Variants in N4BP1 observed in about 807,000 individuals in gnomAD.
N4BP1 encodes NEDD4-binding protein 1.
Under a neutral mutation model 70.9 loss-of-function variants are expected in N4BP1, and 21 were observed. That is an observed-to-expected ratio of 0.30 (90% CI 0.21 to 0.43). The LOEUF (loss-of-function observed/expected upper bound fraction) is 0.43, where lower values mean the gene tolerates loss of function less well. Ranked by LOEUF, N4BP1 falls within the 20% of genes least tolerant of loss-of-function variation. The probability of loss-of-function intolerance (pLI) is 1.00; values close to 1 mark genes in which losing one functional copy is unlikely to be tolerated. For missense variants in N4BP1, 936 were observed against 1,069.4 expected (o/e 0.88, Z 1.74); for synonymous variants, 387 against 394.6 (o/e 0.98, Z 0.23).
At chr16:48,547,381 G>C (rs978522154) in intron 5 of N4BP1, among the ~76,000 whole-genome samples, 1 of 152,180 alleles carries the variant, frequency 6.6e-6, no homozygotes, top group Non-Finnish European at 1.5e-5. Flanking sequence ...TGATCTTAGG[G>C]CATTTTTCAG....
At chr16:48,600,397 T>A (rs1295932552) in intron 1 of N4BP1, 2 of 704,342 alleles carry the variant, frequency 2.8e-6, no homozygotes, top group African/African-American at 3.5e-5. Flanking sequence ...AATGAAACCA[T>A]CAAATACCAG....
rs1463886307 is a variant in N4BP1, at chr16:48,541,022, G to C, written c.*1882C>G. 6.6e-6 allele frequency: 1 copy of C among 152,216 alleles called. No individual in the cohort carries two copies. Among genetic ancestry groups the C allele is most frequent in the African/African-American group, 2.4e-5 (1 of 41,446 alleles). The allele number at this position is 152,216 out of a possible 1,614,324, so 9.4% of individuals were successfully genotyped here. Reference sequence around the variant, plus strand: ...GTAAGTCAGAACACGAAGACTTACAGAACTCAAACATCAAAGGTCAAGTAG... The same window carrying C: ...GTAAGTCAGAACACGAAGACTTACACAACTCAAACATCAAAGGTCAAGTAG... On this transcript the variant is annotated 3_prime_UTR_variant, in exon 7 of 7. Transcript: ENST00000262384.
intron 1 of N4BP1, among the ~76,000 whole-genome samples, chr16:48,570,431 T>C (rs1378995152): frequency 6.6e-6 from 1 of 152,082 alleles, no homozygotes; most frequent in African/African-American, 2.4e-5. Context: ...CTGCAAACTC[T>C]GCCTCTGGGA....
At position 48,551,427 on chromosome 16, in the gene N4BP1, G is replaced by A. The variant is rs1425057031; in HGVS notation, c.2076C>T (p.Ala692=). Reference sequence around the variant, plus strand: ...CAATTCTTTCTCCAAAGACCATCCGGGCAGGAGTTAAAGATAATATTCCGA... The same window carrying A: ...CAATTCTTTCTCCAAAGACCATCCGAGCAGGAGTTAAAGATAATATTCCGA... ...QELGILSLTP[A]RMVFGERIAS... Residue 692 remains alanine, a synonymous_variant, in exon 4 of 7, where the codon GCC becomes GCT. Transcript: ENST00000262384. 6.2e-7 allele frequency: 1 copy of A among 1,613,510 alleles called. No individual in the cohort carries two copies. The highest frequency in any genetic ancestry group is 8.5e-7 in the Non-Finnish European group (1 of 1,179,568).
intron 1 of N4BP1, among the ~76,000 whole-genome samples, chr16:48,570,740 G>T (rs1348743904): frequency 1.3e-5 from 2 of 152,124 alleles, no homozygotes; most frequent in Admixed American, 1.3e-4. Context: ...ATTCTGCCCG[G>T]GTTTTACTGC....
chr16:48,547,841 A>G (rs550633047), intron 5 of N4BP1, among the ~76,000 whole-genome samples, 166 bp downstream of exon 5: 4 of 152,362 alleles, frequency 2.6e-5, no homozygotes, highest in Non-Finnish European at 5.9e-5. Context: ...TGGAGGGGCC[A>G]GCCACCTATG....
chr16:48,599,826 T>TCTTAAAGG (rs569743905), intron 1 of N4BP1, among the ~76,000 whole-genome samples: 285 of 152,306 alleles, frequency 1.9e-3, no homozygotes, highest in Middle Eastern at 3.4e-3. Context: ...CTTCCATCCT[T>TCTTAAAGG]CCTTCTTAAA....
Position 48,610,050 on chromosome 16 carries a change from G to T in N4BP1, c.-78C>A. 1.1e-6 allele frequency: 1 copy of T among 880,320 alleles called. No homozygotes were observed. The highest frequency in any genetic ancestry group is 1.4e-6 in the Non-Finnish European group (1 of 722,536). The allele number at this position is 880,320 out of a possible 1,614,324, so 54.5% of individuals were successfully genotyped here. ...CTCAGCTTGCTGCCGCTGCTCCCAA[G>T]CCAGTCAGGCGGCGTCGGCCCTTCC... On this transcript the variant is annotated 5_prime_UTR_variant, in exon 1 of 7. Transcript: ENST00000262384.
At position 48,579,338 on chromosome 16, in the gene N4BP1, T is replaced by A. The variant is rs79252656; in HGVS notation, c.199-16894A>T. Among the ~76,000 whole-genome samples the A allele has an allele frequency of 7.5e-3, 1,137 of 152,240 alleles. 13 individuals carry two copies. The highest frequency in any genetic ancestry group is 0.026 in the African/African-American group (1,086 of 41,534). ...GGGAGTTTCATTTTAGTAGTTTGAA[T>A]AAAGTTAAATAAAATTATCAAATAC... On this transcript the variant is annotated intron_variant, in intron 1 of 6. Coordinates refer to ENST00000262384, the MANE Select transcript of N4BP1 (RefSeq NM_153029.4).
intron 1 of N4BP1, among the ~76,000 whole-genome samples, chr16:48,608,412 G>A (rs1414555926): frequency 1.3e-5 from 2 of 152,174 alleles, no homozygotes; most frequent in African/African-American, 4.8e-5. Context: ...AAGAACATCA[G>A]GAGATACGAC....
intron 2 of N4BP1, 91 bp from the exon 3 acceptor site, chr16:48,553,760 AC>A (rs1963709649): frequency 6.5e-6 from 7 of 1,076,864 alleles, no homozygotes; most frequent in Admixed American, 3.5e-5. Context: ...TACACATACA[AC>A]AAACAGTAAG....
At chr16:48,605,448 T>C (rs1964565182) in intron 1 of N4BP1, among the ~76,000 whole-genome samples, 1 of 152,190 alleles carries the variant, frequency 6.6e-6, no homozygotes, top group South Asian at 2.1e-4. Context: ...TTAATCTCTA[T>C]TTGCGAATGA....
intron 1 of N4BP1, among the ~76,000 whole-genome samples, chr16:48,589,331 A>T (rs980603143): frequency 6.6e-6 from 1 of 152,158 alleles, no homozygotes; most frequent in African/African-American, 2.4e-5. Context: ...CCTACTTCCA[A>T]CCTCTCGGGA....
In N4BP1 at chr16:48,587,616, T is replaced by C. The variant is rs566567520; in HGVS notation, c.198+22159A>G. On this transcript the variant is annotated intron_variant, in intron 1 of 6. Transcript: ENST00000262384. The stretch of plus-strand genomic sequence containing the variant: ...CTGGCTCTCTTCACTTTTCATGATA[T>C]GCAGCTGCTTGCATAAGATCATTAA... Among the ~76,000 whole-genome samples, 4 of 152,330 alleles carry C rather than the reference T, an allele frequency of 2.6e-5. No homozygotes were observed. The East Asian group carries it at 7.7e-4, about 29-fold the overall frequency.
Position 48,539,714 on chromosome 16 carries a change from G to C in N4BP1, c.*3190C>G, listed in dbSNP as rs550929725. 2 of 152,334 alleles carry C rather than the reference G, an allele frequency of 1.3e-5. No homozygotes were observed. Among genetic ancestry groups the C allele is most frequent in the East Asian group, 3.8e-4 (2 of 5,204 alleles). The allele number at this position is 152,334 out of a possible 1,614,324, so 9.4% of individuals were successfully genotyped here. A position where few individuals can be genotyped will look rare whatever the true frequency, so the allele number is the denominator to read the frequency against. ...CACCAGCTGCCCTCTCCACCACCAC[G>C]AGCCCCAAAGGTGGGGAAAAGTCTG... On this transcript the variant is annotated 3_prime_UTR_variant, in exon 7 of 7. Transcript: ENST00000262384.
chr16:48,588,626 T>A (rs1160065701), intron 1 of N4BP1, among the ~76,000 whole-genome samples: 1 of 152,070 alleles, frequency 6.6e-6, no homozygotes, highest in Admixed American at 6.6e-5. Flanking sequence ...GCAGGCCCAA[T>A]CAAGGATTAC....
At chr16:48,577,024 A>C (rs117507319) in intron 1 of N4BP1, among the ~76,000 whole-genome samples, 1 of 152,134 alleles carries the variant, frequency 6.6e-6, no homozygotes, top group Non-Finnish European at 1.5e-5. Context: ...TCAGCCTCTC[A>C]AAGTGCTATG....
At chr16:48,581,919 C>A (rs1964180249) in intron 1 of N4BP1, among the ~76,000 whole-genome samples, 1 of 151,612 alleles carries the variant, frequency 6.6e-6, no homozygotes, top group African/African-American at 2.4e-5. Context: ...AAAATACAAC[C>A]ACAAAAGCAG....
intron 4 of N4BP1, among the ~76,000 whole-genome samples, chr16:48,550,011 C>T (rs906581903): frequency 2.0e-5 from 3 of 152,192 alleles, no homozygotes; most frequent in Admixed American, 6.5e-5. Context: ...AATTTCATAC[C>T]ATGAGGAGGA....
Sources: gnomAD v4.1 joint callset for allele counts (sites outside exome capture counted in the v4.1 genomes callset) on GRCh38, gnomAD v4.1.1 for gene constraint, MANE v1.5 for transcripts, NCBI Gene and HGNC (gene_info 2026-07-23, HGNC 2026-07-21) for gene names.